ARHGAP28: variants seen among roughly 807,000 people sequenced by gnomAD.
ARHGAP28 encodes the protein Rho GTPase activating protein 28, also known as rho GTPase-activating protein 28.
Under a neutral mutation model 90.7 loss-of-function variants are expected in ARHGAP28, and 56 were observed. The observed-to-expected ratio is 0.62, with a 90% CI of 0.50 to 0.77. ARHGAP28 has a LOEUF of 0.77. ARHGAP28 is among the 30% of genes least tolerant of loss of function. The pLI is 0.00. For synonymous variants in ARHGAP28, 308 were observed against 323.3 expected, an observed-to-expected ratio of 0.95 and a Z score of 0.51; for missense variants, 869 against 900.9, an observed-to-expected ratio of 0.96 and a Z score of 0.45.
At chr18:6,777,329 GA>G (rs2056291939) in intron 1 of ARHGAP28, among the ~76,000 whole-genome samples, 2 of 152,284 alleles carry the variant, frequency 1.3e-5, no homozygotes, top group African/African-American at 4.8e-5. Context: ...TTACAGTTAG[GA>G]GGGGGGTGAG....
intron 1 of ARHGAP28, among the ~76,000 whole-genome samples, chr18:6,819,503 A>G (rs1379796635): frequency 6.6e-6 from 1 of 152,150 alleles, no homozygotes; most frequent in Non-Finnish European, 1.5e-5. Context: ...GTTCTGGGCC[A>G]AAGGTCATAC....
At position 6,787,207 on chromosome 18, in the gene ARHGAP28, C is replaced by T. The variant is rs538970630; in HGVS notation, c.123-37555C>T. Among the ~76,000 whole-genome samples the T allele has an allele frequency of 1.2e-3, 140 of 112,846 alleles. 1 individual carries two copies. The Middle Eastern group carries it at 0.023, about 19-fold the overall frequency. The allele number at this position is 112,846 out of a possible 152,430, so 74.0% of individuals were successfully genotyped here. A position where few individuals can be genotyped will look rare whatever the true frequency, so the allele number is the denominator to read the frequency against. On this transcript the variant is annotated intron_variant, in intron 1 of 17. Coordinates refer to ENST00000383472, the MANE Select transcript of ARHGAP28 (RefSeq NM_001366230.1). Reference sequence around the variant, plus strand: ...TGCACTCCAACCTGGGCAACAAGAGCGAAACTCCATTTAAAAAAAAAAAAA... The same window carrying T: ...TGCACTCCAACCTGGGCAACAAGAGTGAAACTCCATTTAAAAAAAAAAAAA...
chr18:6,904,046 G>A (rs1157939433), intron 16 of ARHGAP28, among the ~76,000 whole-genome samples: 1 of 151,980 alleles, frequency 6.6e-6, no homozygotes, highest in Non-Finnish European at 1.5e-5. Context: ...CAAATAGGAA[G>A]TCTTAAGCAA....
intron 3 of ARHGAP28, among the ~76,000 whole-genome samples, chr18:6,841,593 A>AT (rs567118644): frequency 1.4e-4 from 21 of 150,842 alleles, no homozygotes; most frequent in South Asian, 2.1e-4. Flanking sequence ...TCTTCTCTTA[A>AT]TTTTTTTTTG....
chr18:6,841,493 G>A (rs1449970020), intron 3 of ARHGAP28, among the ~76,000 whole-genome samples: 2 of 150,518 alleles, frequency 1.3e-5, no homozygotes. Flanking sequence ...TCTTTATATT[G>A]TATAAAATAC....
chr18:6,858,876 A>C lies in ARHGAP28; in HGVS notation c.637-932A>C, dbSNP rs556928378. Among the ~76,000 whole-genome samples, 533 of 152,228 alleles carry C rather than the reference A, an allele frequency of 3.5e-3. 1 individual carries two copies. Among genetic ancestry groups the C allele is most frequent in the Non-Finnish European group, 5.4e-3 (369 of 68,022 alleles). ...GTTTCTTATTTGTTTCTTTAAAAAA[A>C]AAAAAAGATCTTTGTTCATTTTGTA... On this transcript the variant is annotated intron_variant, in intron 4 of 17. Transcript: ENST00000383472.
intron 10 of ARHGAP28, among the ~76,000 whole-genome samples, chr18:6,880,182 T>C (rs904078690): frequency 2.0e-5 from 3 of 152,190 alleles, no homozygotes; most frequent in African/African-American, 7.2e-5. Context: ...CACTGCCACC[T>C]GCCCATTACA....
At chr18:6,773,666 A>T (rs1219270158) in intron 1 of ARHGAP28, among the ~76,000 whole-genome samples, 1 of 152,174 alleles carries the variant, frequency 6.6e-6, no homozygotes, top group Non-Finnish European at 1.5e-5. Flanking sequence ...TACTGAATTA[A>T]TCATCCATGA....
intron 1 of ARHGAP28, among the ~76,000 whole-genome samples, chr18:6,756,247 G>A (rs1027418134): frequency 6.6e-6 from 1 of 152,122 alleles, no homozygotes; most frequent in Non-Finnish European, 1.5e-5. Flanking sequence ...AGGGCGCACT[G>A]TTCTTTTTTT....
chr18:6,811,568 T>A (rs549119613), intron 1 of ARHGAP28, among the ~76,000 whole-genome samples: 2 of 152,190 alleles, frequency 1.3e-5, no homozygotes, highest in African/African-American at 4.8e-5. Context: ...TAACTAGTCG[T>A]GTTCACTGTG....
intron 10 of ARHGAP28, 100 bp downstream of exon 10, chr18:6,876,308 T>A: frequency 2.3e-6 from 2 of 873,526 alleles, no homozygotes; most frequent in Admixed American, 3.8e-5. Context: ...GTTTATTAGA[T>A]ATTATCACTT....
chr18:6,828,607 AAAGGTAAGG>A (rs760845152), intron 2 of ARHGAP28, among the ~76,000 whole-genome samples: 1 of 152,136 alleles, frequency 6.6e-6, no homozygotes, highest in Non-Finnish European at 1.5e-5. Context: ...GTATGTGGTG[AAAGGTAAGG>A]GTCTAGTTTC....
intron 1 of ARHGAP28, chr18:6,789,896 C>T (rs759982582): frequency 5.9e-5 from 9 of 151,612 alleles, no homozygotes; most frequent in Non-Finnish European, 8.8e-5. Flanking sequence ...GGCATGATCT[C>T]GGCTCACTGC....
In ARHGAP28 at chr18:6,914,227, A is replaced by G. The variant is rs1423718709; in HGVS notation, c.*2073A>G. ...CTTCAGCTTGTCACCAGTTTCAAAT[A>G]AATCCCTAATAGGTAACAAGTAAAA... On this transcript the variant is annotated 3_prime_UTR_variant, in exon 18 of 18. Transcript: ENST00000383472. 6.6e-6 allele frequency: 1 copy of G among 152,214 alleles called. No homozygotes were observed. The highest frequency in any genetic ancestry group is 1.5e-5 in the Non-Finnish European group (1 of 68,032). 9.4% of individuals were successfully genotyped at this position (152,214 alleles called of 1,614,324 possible).
At chr18:6,876,304 T>C in intron 10 of ARHGAP28, 96 bp downstream of exon 10, 1 of 927,044 alleles carries the variant, frequency 1.1e-6, no homozygotes. Context: ...TGTTGTTTAT[T>C]AGATATTATC....
At chr18:6,887,341 C>A in intron 12 of ARHGAP28, 102 bp downstream of exon 12, 1 of 1,014,786 alleles carries the variant, frequency 9.9e-7, no homozygotes, top group Non-Finnish European at 1.5e-6. Context: ...CACTGAGCCA[C>A]CTGAGCATGC....
In ARHGAP28 at chr18:6,909,029, G is replaced by C; in HGVS notation, c.2095+5G>C. On this transcript the variant is annotated splice_donor_5th_base_variant and intron_variant, in intron 17 of 17. Coordinates refer to ENST00000383472, the MANE Select transcript of ARHGAP28 (RefSeq NM_001366230.1). The stretch of plus-strand genomic sequence containing the variant: ...ATGAAATTGGAGGAAATATAGGTAA[G>C]CATACTGTAATAATTTCTACTGCTA... 1 of 1,439,814 alleles carries C rather than the reference G, an allele frequency of 6.9e-7. No homozygotes were observed. The highest frequency in any genetic ancestry group is 9.7e-7 in the Non-Finnish European group (1 of 1,030,556). 89.2% of individuals were successfully genotyped at this position (1,439,814 alleles called of 1,614,324 possible).
intron 1 of ARHGAP28, among the ~76,000 whole-genome samples, chr18:6,734,258 C>T (rs943367073): frequency 1.3e-5 from 2 of 152,052 alleles, no homozygotes; most frequent in Admixed American, 6.5e-5. Context: ...TAAAATGAAA[C>T]GTAGCTGAGG....
At chr18:6,803,743 T>C (rs982615426) in intron 1 of ARHGAP28, among the ~76,000 whole-genome samples, 1 of 151,936 alleles carries the variant, frequency 6.6e-6, no homozygotes, top group African/African-American at 2.4e-5. Flanking sequence ...GTTTTCTTGA[T>C]AGAAAAGTTT....
Sources: allele counts gnomAD v4.1 joint callset (sites outside exome capture counted in the v4.1 genomes callset), GRCh38; gene constraint gnomAD v4.1.1; transcripts MANE v1.5; gene names NCBI Gene and HGNC (gene_info 2026-07-23, HGNC 2026-07-21).